KIF16B: variants seen among roughly 807,000 people sequenced by gnomAD.
The protein encoded by KIF16B is kinesin family member 16B.
A neutral mutation model predicts 156.3 loss-of-function variants in KIF16B; 98 were observed. The ratio of observed to expected loss-of-function variants is 0.63; its 90% CI spans 0.53 to 0.74. The LOEUF is 0.74. KIF16B is among the 30% of genes least tolerant of loss of function. The probability of loss-of-function intolerance (pLI) is 0.00; values close to 1 mark genes in which losing one functional copy is unlikely to be tolerated. For missense variants in KIF16B, 1,421 were observed against 1,606.5 expected (o/e 0.88, Z 1.97); for synonymous variants, 564 against 583.7 (o/e 0.97, Z 0.49).
At chr20:16,279,208 A>G (rs912220186) in intron 25 of KIF16B, among the ~76,000 whole-genome samples, 3 of 152,284 alleles carry the variant, frequency 2.0e-5, no homozygotes, top group African/African-American at 7.2e-5. Flanking sequence ...CTTAAGGCAT[A>G]GGACAGATAA....
intron 22 of KIF16B, among the ~76,000 whole-genome samples, chr20:16,360,188 C>T (rs923987976): frequency 1.3e-5 from 2 of 151,992 alleles, no homozygotes; most frequent in Admixed American, 6.5e-5. Context: ...ATGTGGAATT[C>T]TCAGGGTACA....
intron 15 of KIF16B, among the ~76,000 whole-genome samples, chr20:16,418,177 A>G (rs1600344599): frequency 6.6e-6 from 1 of 152,116 alleles, no homozygotes; most frequent in South Asian, 2.1e-4. Context: ...GAGTGAAAAA[A>G]AGAGAAAAAA....
chr20:16,564,082 A>C (rs1295508369), intron 1 of KIF16B, among the ~76,000 whole-genome samples: 1 of 152,112 alleles, frequency 6.6e-6, no homozygotes, highest in Non-Finnish European at 1.5e-5. Context: ...AAACAAAAAA[A>C]TCTGTCTTCT....
chr20:16,559,757 G>C lies in KIF16B; in HGVS notation c.47+13472C>G, dbSNP rs1367522760. Among the ~76,000 whole-genome samples, 3 of 149,354 alleles carry C rather than the reference G, an allele frequency of 2.0e-5. No individual in the cohort carries two copies. The East Asian group carries it at 5.9e-4, about 30-fold the overall frequency. ...CATGCCACTATACTCCAGCCTGGGTGACAGAGCAAAAAAGACCTTGTCTCA... is the reference window on the plus strand; with the variant it reads ...CATGCCACTATACTCCAGCCTGGGTCACAGAGCAAAAAAGACCTTGTCTCA... On this transcript the variant is annotated intron_variant, in intron 1 of 25. Coordinates refer to ENST00000354981, the MANE Select transcript of KIF16B (RefSeq NM_024704.5).
chr20:16,552,753 G>C (rs893657947), intron 1 of KIF16B, among the ~76,000 whole-genome samples: 1 of 152,064 alleles, frequency 6.6e-6, no homozygotes, highest in Admixed American at 6.5e-5. Context: ...TGATAGCTAA[G>C]GAAATATGTG....
chr20:16,553,034 G>T (rs2070723620), intron 1 of KIF16B, among the ~76,000 whole-genome samples: 1 of 152,054 alleles, frequency 6.6e-6, no homozygotes, highest in South Asian at 2.1e-4. Context: ...CCAAAGTGCT[G>T]GGATTACAGG....
chr20:16,404,958 T>G (rs903519500), intron 16 of KIF16B, 57 bp from the exon 17 acceptor site: 5 of 1,215,210 alleles, frequency 4.1e-6, no homozygotes, highest in Non-Finnish European at 4.8e-6. Flanking sequence ...AGGCCACTGC[T>G]CTGGACTCAT....
chr20:16,496,888 T>C (rs1403470977), intron 11 of KIF16B, among the ~76,000 whole-genome samples: 1 of 152,206 alleles, frequency 6.6e-6, no homozygotes, highest in African/African-American at 2.4e-5. Context: ...TTCCATAATG[T>C]GTATTCTTGA....
chr20:16,470,665 T>C (rs1210332031), intron 12 of KIF16B, among the ~76,000 whole-genome samples: 1 of 150,614 alleles, frequency 6.6e-6, no homozygotes, highest in Non-Finnish European at 1.5e-5. Context: ...TTTTTTCTTT[T>C]TTTTTTTTTT....
rs143308002 is a variant in KIF16B, at chr20:16,350,375, G to A, written c.3621+5955C>T. ...AAGAGCAAGGGGCTGGAGGGTGCCC[G>A]GCAGCCAGGACAATGTCCAGAGGGT... On this transcript the variant is annotated intron_variant, in intron 23 of 25. Coordinates refer to ENST00000354981, the MANE Select transcript of KIF16B (RefSeq NM_024704.5). Among the ~76,000 whole-genome samples, 291 of 152,198 alleles carry A rather than the reference G, an allele frequency of 1.9e-3. 2 individuals are homozygous for A. The highest frequency in any genetic ancestry group is 6.4e-3 in the African/African-American group (264 of 41,530).
intron 1 of KIF16B, among the ~76,000 whole-genome samples, chr20:16,545,691 A>T (rs1303585708): frequency 6.6e-6 from 1 of 152,176 alleles, no homozygotes; most frequent in Non-Finnish European, 1.5e-5. Flanking sequence ...AATGTAAAAG[A>T]GGTATTGCAG....
At chr20:16,298,446 G>A (rs2063423111) in intron 25 of KIF16B, among the ~76,000 whole-genome samples, 1 of 152,196 alleles carries the variant, frequency 6.6e-6, no homozygotes, top group African/African-American at 2.4e-5. Context: ...AGACTTGGAA[G>A]GATGTATGTG....
At position 16,379,609 on chromosome 20, in the gene KIF16B, C is replaced by T. The variant is rs764992161; in HGVS notation, c.2393G>A (p.Arg798Gln). Residue 798 changes from arginine to glutamine, a missense_variant, in exon 19 of 26, where the codon CGG (arginine) becomes CAG (glutamine). Arg to Gln is a conservative substitution (Grantham distance 43). Coordinates refer to ENST00000354981, the MANE Select transcript of KIF16B (RefSeq NM_024704.5). ...EEEKRDLEGIRESLLRVKEAR... is the reference protein window; with the variant it reads ...EEEKRDLEGIQESLLRVKEAR... ...CTCCTTCACCCGCAGGAGGGATTCC[C>T]GAATGCCTTCCAGGTCCCTCTTCTC... 37 of 1,613,990 alleles carry T rather than the reference C, an allele frequency of 2.3e-5. No individual in the cohort carries two copies. The highest frequency in any genetic ancestry group is 1.2e-4 in the Admixed American group (7 of 60,000).
intron 17 of KIF16B, among the ~76,000 whole-genome samples, chr20:16,386,682 T>C (rs1235809151): frequency 6.6e-6 from 1 of 151,834 alleles, no homozygotes; most frequent in Non-Finnish European, 1.5e-5. Context: ...TGGGAATATC[T>C]GATAGACAGA....
intron 1 of KIF16B, among the ~76,000 whole-genome samples, chr20:16,561,038 C>T (rs1008208688): frequency 4.0e-5 from 6 of 151,748 alleles, no homozygotes; most frequent in Non-Finnish European, 8.8e-5. Flanking sequence ...GCCTGTAATC[C>T]CTGCGCTTTG....
intron 23 of KIF16B, among the ~76,000 whole-genome samples, chr20:16,336,340 AT>A: frequency 1.3e-5 from 2 of 152,208 alleles, no homozygotes; most frequent in Admixed American, 1.3e-4. Context: ...GAGGAAAAAA[AT>A]CTCACTGCCT....
At position 16,456,458 on chromosome 20, in the gene KIF16B, C is replaced by T. The variant is rs767208627; in HGVS notation, c.1303-26476G>A. Among the ~76,000 whole-genome samples, 46 of 152,128 alleles carry T rather than the reference C, an allele frequency of 3.0e-4. 1 individual carries two copies. Among genetic ancestry groups the T allele is most frequent in the South Asian group, 8.3e-4 (4 of 4,818 alleles). Reference sequence around the variant, plus strand: ...CAATTAAGATACACACACACACACACGTGCACACAAACCCTTTATTCCAAA... The same window carrying T: ...CAATTAAGATACACACACACACACATGTGCACACAAACCCTTTATTCCAAA... On this transcript the variant is annotated intron_variant, in intron 12 of 25. Coordinates refer to ENST00000354981, the MANE Select transcript of KIF16B (RefSeq NM_024704.5).
intron 24 of KIF16B, among the ~76,000 whole-genome samples, chr20:16,332,007 A>C (rs190015442): frequency 4.6e-5 from 7 of 152,328 alleles, no homozygotes; most frequent in Non-Finnish European, 5.9e-5. Context: ...GAAAAGAGAC[A>C]GCTGATATTC....
intron 1 of KIF16B, among the ~76,000 whole-genome samples, chr20:16,556,380 A>G (rs1269962243): frequency 6.6e-6 from 1 of 152,232 alleles, no homozygotes; most frequent in African/African-American, 2.4e-5. Flanking sequence ...AGCAAGGACT[A>G]TGCCCACTGT....
Sources: allele counts gnomAD v4.1 joint callset (sites outside exome capture counted in the v4.1 genomes callset), GRCh38; gene constraint gnomAD v4.1.1; transcripts MANE v1.5; gene names NCBI Gene and HGNC (gene_info 2026-07-23, HGNC 2026-07-21).